Variants in THADA observed in about 807,000 individuals in gnomAD.
The protein encoded by THADA is tRNA (32-2'-O)-methyltransferase regulator THADA.
A neutral mutation model predicts 219.8 loss-of-function variants in THADA; 213 were observed. That is an observed-to-expected ratio of 0.97 (90% CI 0.87 to 1.09). The LOEUF (loss-of-function observed/expected upper bound fraction) is 1.09. THADA is among the 50% of genes least tolerant of loss of function. The pLI is 0.00. For synonymous variants in THADA, 1,018 were observed against 828.9 expected (o/e 1.23, Z -3.92); for missense variants, 2,956 against 2,311.3 (o/e 1.28, Z -5.72).
At chr2:43,578,467 C>A (rs781189341) in intron 9 of THADA, 46 bp downstream of exon 9, 5 of 1,487,902 alleles carry the variant, frequency 3.4e-6, no homozygotes, top group Admixed American at 1.7e-5. Flanking sequence ...TTTAAACATA[C>A]CCTAACTCTC....
At chr2:43,424,935 T>A (rs1437398412) in intron 28 of THADA, among the ~76,000 whole-genome samples, 1 of 152,164 alleles carries the variant, frequency 6.6e-6, no homozygotes, top group Admixed American at 6.5e-5. Flanking sequence ...CCACCATTGG[T>A]AGAGACATTA....
At chr2:43,525,787 A>T (rs1170135041) in intron 22 of THADA, among the ~76,000 whole-genome samples, 1 of 152,214 alleles carries the variant, frequency 6.6e-6, no homozygotes, top group Admixed American at 6.5e-5. Context: ...CCTTCTAAGC[A>T]TACATCATGT....
intron 36 of THADA, among the ~76,000 whole-genome samples, chr2:43,248,759 C>A (rs1026012852): frequency 2.6e-5 from 4 of 152,134 alleles, no homozygotes; most frequent in African/African-American, 7.2e-5. Context: ...CCATATTTAG[C>A]CCTCACTCAG....
At chr2:43,302,199 CT>C (rs1430202262) in intron 31 of THADA, among the ~76,000 whole-genome samples, 1 of 152,040 alleles carries the variant, frequency 6.6e-6, no homozygotes, top group African/African-American at 2.4e-5. Flanking sequence ...GCAACCTCAA[CT>C]TTGATAGATT....
intron 26 of THADA, among the ~76,000 whole-genome samples, chr2:43,450,924 G>C (rs1057312987): frequency 5.3e-5 from 8 of 152,160 alleles, no homozygotes; most frequent in South Asian, 4.1e-4. Flanking sequence ...AAGTAGAATG[G>C]TGGTTACTGG....
Position 43,505,647 on chromosome 2 carries a change from T to C in THADA, c.3596A>G (p.Asp1199Gly). ...KELISLAGPTDDIQSTVPQVH... is the reference protein window; with the variant it reads ...KELISLAGPTGDIQSTVPQVH... ...CTGGGGGACTGTACTCTGTATGTCA[T>C]CTGTAGGCCCAGCCAAAGAGATTAA... The change falls in exon 24 of 38, where the codon GAT becomes GGT. Residue 1199 changes from aspartate to glycine, a missense_variant. By Grantham distance (94) the Asp-to-Gly change is moderately conservative. Transcript: ENST00000405975. The C allele has an allele frequency of 1.3e-6, 2 of 1,596,534 alleles. No homozygotes were observed. The highest frequency in any genetic ancestry group is 1.3e-5 in the African/African-American group (1 of 74,908).
chr2:43,249,553 T>G (rs1669603633), intron 36 of THADA, among the ~76,000 whole-genome samples: 1 of 152,186 alleles, frequency 6.6e-6, no homozygotes, highest in Admixed American at 6.5e-5. Flanking sequence ...CCTACATCCT[T>G]AACATTAAAG....
intron 22 of THADA, among the ~76,000 whole-genome samples, chr2:43,523,891 T>C (rs950688363): frequency 4.6e-5 from 7 of 152,212 alleles, no homozygotes; most frequent in African/African-American, 1.7e-4. Context: ...TATCCCCTTA[T>C]AGTTAAGTTT....
At chr2:43,323,359 G>T (rs980501015) in intron 30 of THADA, among the ~76,000 whole-genome samples, 1 of 152,076 alleles carries the variant, frequency 6.6e-6, no homozygotes, top group African/African-American at 2.4e-5. Context: ...TGTCTAGCCT[G>T]GGGTTCTACT....
intron 26 of THADA, among the ~76,000 whole-genome samples, chr2:43,462,103 G>T (rs1683706761): frequency 6.6e-6 from 1 of 152,166 alleles, no homozygotes; most frequent in Non-Finnish European, 1.5e-5. Context: ...ATACTTTGTT[G>T]ATTACTATAG....
chr2:43,535,674 TC>T (rs1694484819), intron 21 of THADA, among the ~76,000 whole-genome samples: 2 of 37,408 alleles, frequency 5.3e-5, no homozygotes, highest in Non-Finnish European at 4.4e-5. Flanking sequence ...ACAGCGAGAC[TC>T]AAAAAAAAAA....
At chr2:43,273,181 G>A (rs772830581) in intron 36 of THADA, among the ~76,000 whole-genome samples, 48 of 151,716 alleles carry the variant, frequency 3.2e-4, no homozygotes, top group African/African-American at 1.1e-3. Context: ...CCCGGGAGGC[G>A]GAGGTTGCAG....
intron 36 of THADA, among the ~76,000 whole-genome samples, chr2:43,243,120 C>A (rs1337199529): frequency 6.6e-6 from 1 of 152,188 alleles, no homozygotes; most frequent in Non-Finnish European, 1.5e-5. Context: ...AGGGCACCTG[C>A]TGGGCAGCTC....
chr2:43,265,213 G>C (rs1428044863), intron 36 of THADA, among the ~76,000 whole-genome samples: 1 of 152,228 alleles, frequency 6.6e-6, no homozygotes, highest in African/African-American at 2.4e-5. Flanking sequence ...CGGGGGCACT[G>C]AAAGGCTGCT....
intron 26 of THADA, among the ~76,000 whole-genome samples, chr2:43,456,955 C>A (rs1178456949): frequency 3.3e-5 from 5 of 152,156 alleles, no homozygotes; most frequent in Non-Finnish European, 5.9e-5. Context: ...AAATTTAGGT[C>A]TGGCATAAAA....
intron 21 of THADA, among the ~76,000 whole-genome samples, chr2:43,534,526 T>A (rs1338493684): frequency 6.6e-6 from 1 of 152,222 alleles, no homozygotes; most frequent in African/African-American, 2.4e-5. Context: ...CTCTAATTTT[T>A]ACTTCGAGTT....
intron 30 of THADA, among the ~76,000 whole-genome samples, chr2:43,332,632 C>T (rs1243848213): frequency 6.6e-5 from 10 of 152,098 alleles, no homozygotes; most frequent in Admixed American, 4.6e-4. Flanking sequence ...AAAACATAAC[C>T]CACTACATTA....
chr2:43,291,946 C>T (rs1350009291), intron 33 of THADA, 158 bp downstream of exon 33: 7 of 753,130 alleles, frequency 9.3e-6, no homozygotes, highest in Non-Finnish European at 1.5e-5. Flanking sequence ...AAATCACTGA[C>T]ATCATTCTAT....
chr2:43,413,944 T>C (rs958797568), intron 28 of THADA, among the ~76,000 whole-genome samples: 11 of 152,198 alleles, frequency 7.2e-5, no homozygotes, highest in Non-Finnish European at 1.6e-4. Context: ...ACGTCCCTTA[T>C]GTAAAGTATG....
Sources: allele counts gnomAD v4.1 joint callset (sites outside exome capture counted in the v4.1 genomes callset), GRCh38; gene constraint gnomAD v4.1.1; transcripts MANE v1.5; gene names NCBI Gene and HGNC (gene_info 2026-07-23, HGNC 2026-07-21).